The following CD8A variants were observed in gnomAD, a reference collection of about 807,000 sequenced individuals.
CD8A encodes CD8 subunit alpha.
Under a neutral mutation model 24.2 loss-of-function variants are expected in CD8A, and 25 were observed. That is an observed-to-expected ratio of 1.03 (90% CI 0.75 to 1.44). CD8A has a LOEUF of 1.44. Ranked by LOEUF, CD8A falls within the 40% of genes most tolerant of loss-of-function variation. The pLI is 0.00. For synonymous variants in CD8A, 165 were observed against 149.9 expected (o/e 1.10, Z -0.74); for missense variants, 360 against 319.7 (o/e 1.13, Z -0.96).
At chr2:86,791,178 G>T, upstream of CD8A, 1 of 512,078 alleles carries the variant, frequency 2.0e-6, no homozygotes, top group South Asian at 1.9e-5. Context: ...GTGGGTGAAG[G>T]GAGACCAAAG....
In CD8A at chr2:86,787,079, C is replaced by CCG. The variant is rs1381988035; in HGVS notation, c.657-1109_657-1108insCG. Among the ~76,000 whole-genome samples, 16 of 119,768 alleles carry CCG rather than the reference C, an allele frequency of 1.3e-4. 1 individual carries two copies. The highest frequency in any genetic ancestry group is 4.3e-4 in the African/African-American group (14 of 32,204). The allele number at this position is 119,768 out of a possible 152,430, so 78.6% of individuals were successfully genotyped here. A position where few individuals can be genotyped will look rare whatever the true frequency, so the allele number is the denominator to read the frequency against. On this transcript the variant is annotated intron_variant, in intron 5 of 5. Coordinates refer to ENST00000283635, the MANE Select transcript of CD8A (RefSeq NM_001768.7). ...AAGAAAAGCTAAAAACTTCCCCCCC[C>CCG]ACTTTTTTTTTTTTTTTTTGTGAGA...
In CD8A at chr2:86,784,814, G is replaced by C. The variant is rs993729386; in HGVS notation, c.*1106C>G. ...GGTTCTTATTTCCTTATCTACTTAA[G>C]TTTTTTCTCTCCAATGGGCAGGCAT... On this transcript the variant is annotated 3_prime_UTR_variant, in exon 6 of 6. Coordinates refer to ENST00000283635, the MANE Select transcript of CD8A (RefSeq NM_001768.7). 4.4e-6 allele frequency: 2 copies of C among 454,096 alleles called. No individual in the cohort carries two copies. Among genetic ancestry groups the C allele is most frequent in the Non-Finnish European group, 4.4e-6 (1 of 226,784 alleles). The allele number at this position is 454,096 out of a possible 1,614,324, so 28.1% of individuals were successfully genotyped here.
At chr2:86,805,282 T>C (rs2104466245) in intron 2 of CD8A, among the ~76,000 whole-genome samples, 1 of 152,322 alleles carries the variant, frequency 6.6e-6, no homozygotes, top group South Asian at 2.1e-4. Flanking sequence ...CTTGTACACA[T>C]TCCCTAGAGT....
intron 3 of CD8A, among the ~76,000 whole-genome samples, chr2:86,800,241 CA>C (rs1673624398): frequency 1.3e-5 from 2 of 151,926 alleles, no homozygotes; most frequent in South Asian, 4.1e-4. Flanking sequence ...GGGTGGATCA[CA>C]AGGTCAGGAG....
At chr2:86,801,952 T>C (rs566955474) in intron 2 of CD8A, among the ~76,000 whole-genome samples, 1 of 152,338 alleles carries the variant, frequency 6.6e-6, no homozygotes, top group East Asian at 1.9e-4. Flanking sequence ...TTTGAGATAA[T>C]TGTAGATTGA....
chr2:86,791,445 GGGTGTC>G, upstream of CD8A: 1 of 444,698 alleles, frequency 2.2e-6, no homozygotes. Context: ...CCGAAGCTTT[GGGTGTC>G]GGTGTCAGTG....
intron 3 of CD8A, among the ~76,000 whole-genome samples, chr2:86,798,655 T>C (rs1027076022): frequency 1.1e-4 from 17 of 152,202 alleles, no homozygotes; most frequent in Non-Finnish European, 2.1e-4. Flanking sequence ...CCTGAGTAGC[T>C]AGGACTACAG....
upstream of CD8A, chr2:86,791,206 C>A: frequency 2.2e-6 from 1 of 447,474 alleles, no homozygotes; most frequent in Admixed American, 3.1e-5. Flanking sequence ...GAAGTGAGGG[C>A]GAGAGTAGGC....
chr2:86,785,001 A>G lies in CD8A; in HGVS notation c.*919T>C, dbSNP rs764464412. The G allele has an allele frequency of 2.2e-6, 1 of 454,130 alleles. No individual in the cohort carries two copies. The highest frequency in any genetic ancestry group is 4.4e-6 in the Non-Finnish European group (1 of 226,798). 28.1% of individuals were successfully genotyped at this position (454,130 alleles called of 1,614,324 possible). A position where few individuals can be genotyped will look rare whatever the true frequency, so the allele number is the denominator to read the frequency against. ...TCCAACAATTGTCTTTACAAAGTAT[A>G]AAAAGTCATCAGTGATCCCAGGAAC... On this transcript the variant is annotated 3_prime_UTR_variant, in exon 6 of 6. Transcript: ENST00000283635.
chr2:86,787,960 T>C lies in CD8A; in HGVS notation c.656+570A>G, dbSNP rs573546299. Reference sequence around the variant, plus strand: ...GCTGAAACTGGATGAGGCAGTCACTTGAGCTGCCAGATAGCCAATTGTCCC... The same window carrying C: ...GCTGAAACTGGATGAGGCAGTCACTCGAGCTGCCAGATAGCCAATTGTCCC... On this transcript the variant is annotated intron_variant, in intron 5 of 5. Transcript: ENST00000283635. 1.4e-3 allele frequency among the ~76,000 whole-genome samples: 216 copies of C among 151,508 alleles called. 3 individuals are homozygous for C. Among genetic ancestry groups the C allele is most frequent in the African/African-American group, 4.8e-3 (198 of 41,252 alleles).
upstream of CD8A, among the ~76,000 whole-genome samples, chr2:86,794,673 C>G (rs1239827767): frequency 6.6e-6 from 1 of 152,180 alleles, no homozygotes; most frequent in African/African-American, 2.4e-5. Flanking sequence ...CATTTCTGCT[C>G]TGGTCCCTTC....
chr2:86,787,171 C>T (rs1199868888), intron 5 of CD8A, among the ~76,000 whole-genome samples: 2 of 148,136 alleles, frequency 1.4e-5, no homozygotes, highest in East Asian at 4.0e-4. Context: ...CAACCTCCGC[C>T]TCCCACGTTC....
In CD8A at chr2:86,789,702, G is replaced by A; in HGVS notation, c.452C>T (p.Thr151Ile). The change falls in exon 3 of 6, where the codon ACC becomes ATC. Residue 151 changes from threonine to isoleucine, a missense_variant. Physicochemically the swap from Thr to Ile is moderately conservative, Grantham distance 89. Transcript: ENST00000283635. ...CAGGGACAGGGGCTGCGACGCGATG[G>A]TGGGCGCCGGTGTTGGTGGTCGCGG... The part of the protein sequence containing the change: ...PAPRPPTPAP[T>I]IASQPLSLRP... The A allele has an allele frequency of 2.9e-6, 4 of 1,393,906 alleles. No homozygotes were observed. Among genetic ancestry groups the A allele is most frequent in the Admixed American group, 6.4e-5 (2 of 31,198 alleles). The allele number at this position is 1,393,906 out of a possible 1,614,324, so 86.3% of individuals were successfully genotyped here.
At chr2:86,790,042 C>A (rs1299034997) in intron 2 of CD8A, among the ~76,000 whole-genome samples, 1 of 152,212 alleles carries the variant, frequency 6.6e-6, no homozygotes, top group East Asian at 1.9e-4. Context: ...TGATTGCTGT[C>A]CGCATTTTAC....
upstream of CD8A, among the ~76,000 whole-genome samples, chr2:86,794,709 C>T (rs1175013448): frequency 6.6e-6 from 1 of 152,124 alleles, no homozygotes; most frequent in East Asian, 1.9e-4. Context: ...CATGCCAACC[C>T]CCTGCTTCAA....
Position 86,790,326 on chromosome 2 carries a change from A to T in CD8A, c.403+2T>A, listed in dbSNP as rs757131524. The T allele has an allele frequency of 1.2e-6, 2 of 1,611,226 alleles. No individual in the cohort carries two copies. Among genetic ancestry groups the T allele is most frequent in the East Asian group, 2.2e-5 (1 of 44,848 alleles). ...AGAGGTGCCGCAACCCGGCGCGCGG[A>T]CCTGGCAGGAAGACCGGCACGAAGT... On this transcript the variant is annotated splice_donor_variant, in intron 2 of 5. Transcript: ENST00000283635. LOFTEE classifies it high-confidence loss of function.
chr2:86,787,304 C>G (rs558079424), intron 5 of CD8A, among the ~76,000 whole-genome samples: 3 of 151,966 alleles, frequency 2.0e-5, no homozygotes, highest in Non-Finnish European at 4.4e-5. Flanking sequence ...CATTGGAAAT[C>G]CATTGCATTT....
chr2:86,804,906 G>T (rs1673794195), intron 2 of CD8A, among the ~76,000 whole-genome samples: 1 of 144,812 alleles, frequency 6.9e-6, no homozygotes, highest in East Asian at 2.2e-4. Context: ...GGGCTTAAAT[G>T]ATTTTCCTAC....
chr2:86,787,101 G>A (rs1297036331), intron 5 of CD8A, among the ~76,000 whole-genome samples: 1 of 55,066 alleles, frequency 1.8e-5, no homozygotes, highest in Non-Finnish European at 3.6e-5. Flanking sequence ...TTTTTTTTGT[G>A]AGATGGAATC....
Sources: gnomAD v4.1 joint callset for allele counts (sites outside exome capture counted in the v4.1 genomes callset) on GRCh38, gnomAD v4.1.1 for gene constraint, MANE v1.5 for transcripts, NCBI Gene and HGNC (gene_info 2026-07-23, HGNC 2026-07-21) for gene names.